The following AFDN variants were observed in gnomAD, a reference collection of about 807,000 sequenced individuals.
AFDN encodes the protein afadin, adherens junction formation factor.
A neutral mutation model predicts 216.6 loss-of-function variants in AFDN; 68 were observed. The observed-to-expected ratio is 0.31, with a 90% CI of 0.26 to 0.38. The LOEUF (loss-of-function observed/expected upper bound fraction) is 0.38, where lower values mean the gene tolerates loss of function less well. AFDN is among the 10% of genes least tolerant of loss of function. The pLI, the probability that AFDN is intolerant of heterozygous loss-of-function variation, is 1.00. For missense variants in AFDN, 2,136 were observed against 2,342.0 expected, an observed-to-expected ratio of 0.91 and a Z score of 1.82; for synonymous variants, 868 against 853.7, an observed-to-expected ratio of 1.02 and a Z score of -0.29.
intron 9 of AFDN, among the ~76,000 whole-genome samples, chr6:167,895,273 G>A (rs1318812255): frequency 3.3e-5 from 5 of 151,954 alleles, no homozygotes; most frequent in Non-Finnish European, 5.9e-5. Flanking sequence ...TTAACTAGGG[G>A]GGTTCATTAG....
In AFDN at chr6:167,837,992, A is replaced by G. The variant is rs575877491; in HGVS notation, c.105+10755A>G. On this transcript the variant is annotated intron_variant, in intron 1 of 33. Coordinates refer to ENST00000683244, the MANE Select transcript of AFDN (RefSeq NM_001386888.1). ...GTGCATATATATTTATTTCATACATAAATACATGATGTATTGATTTTCATC... is the reference window on the plus strand; with the variant it reads ...GTGCATATATATTTATTTCATACATGAATACATGATGTATTGATTTTCATC... Among the ~76,000 whole-genome samples the G allele has an allele frequency of 2.0e-5, 3 of 152,358 alleles. No individual in the cohort carries two copies. In the East Asian group the frequency reaches 5.8e-4, roughly 29 times the overall value.
At position 167,864,757 on chromosome 6, in the gene AFDN, A is replaced by G; in HGVS notation, c.301+11A>G. ...TGCATGTCAGCGGAGGTCAGTGTAT[A>G]CAGGAAGGGTTTGCTAGAGGCATGA... On this transcript the variant is annotated intron_variant, in intron 2 of 33. Transcript: ENST00000683244. 1 of 1,613,712 alleles carries G rather than the reference A, an allele frequency of 6.2e-7. No homozygotes were observed. The highest frequency in any genetic ancestry group is 8.5e-7 in the Non-Finnish European group (1 of 1,179,686).
intron 1 of AFDN, among the ~76,000 whole-genome samples, chr6:167,835,358 C>T (rs970493668): frequency 3.3e-5 from 5 of 152,204 alleles, no homozygotes; most frequent in African/African-American, 1.2e-4. Flanking sequence ...CCTAAATAAG[C>T]ATAGTTGTTC....
chr6:167,858,813 C>G (rs1783194779), intron 1 of AFDN, among the ~76,000 whole-genome samples: 1 of 152,122 alleles, frequency 6.6e-6, no homozygotes, highest in Non-Finnish European at 1.5e-5. Context: ...TAAGTCCATA[C>G]TTTACTGTGC....
chr6:167,914,511 T>A (rs180801894), intron 17 of AFDN, 133 bp from the exon 18 acceptor site: 1 of 901,402 alleles, frequency 1.1e-6, no homozygotes, highest in Non-Finnish European at 1.7e-6. Context: ...CAGTGAGCTA[T>A]GTTTCAAGAT....
At chr6:167,905,843 C>T (rs1285014189) in intron 12 of AFDN, among the ~76,000 whole-genome samples, 1 of 152,166 alleles carries the variant, frequency 6.6e-6, no homozygotes, top group African/African-American at 2.4e-5. Context: ...TGGTGGCTCA[C>T]GCCTATAATC....
intron 31 of AFDN, chr6:167,963,469 A>G (rs3734882): frequency 0.083 from 86,976 of 1,052,908 alleles, 4,240 homozygotes; most frequent in South Asian, 0.22. Flanking sequence ...GAACTATATT[A>G]ATAGAACAGT....
At chr6:167,966,141 T>G in intron 32 of AFDN, 96 bp downstream of exon 32, 1 of 1,535,048 alleles carries the variant, frequency 6.5e-7, no homozygotes, top group Non-Finnish European at 8.7e-7. Context: ...ACGCCCGGCC[T>G]CCGATGGCGT....
At chr6:167,832,915 T>C (rs1234035887) in intron 1 of AFDN, among the ~76,000 whole-genome samples, 1 of 152,226 alleles carries the variant, frequency 6.6e-6, no homozygotes, top group Admixed American at 6.5e-5. Flanking sequence ...CCTTTGTAGT[T>C]AGAGTGGCTA....
chr6:167,965,345 T>C (rs1010309319), intron 31 of AFDN, among the ~76,000 whole-genome samples: 23 of 152,302 alleles, frequency 1.5e-4, no homozygotes, highest in Admixed American at 3.3e-4. Flanking sequence ...TATTTTTAGT[T>C]TTGCATTATC....
At chr6:167,896,225 CAAA>C (rs35338275) in intron 9 of AFDN, among the ~76,000 whole-genome samples, 2 of 136,566 alleles carry the variant, frequency 1.5e-5, no homozygotes, top group Non-Finnish European at 3.2e-5. Context: ...TATAAAATGA[CAAA>C]AAAAAAAAAG....
intron 3 of AFDN, among the ~76,000 whole-genome samples, chr6:167,871,681 A>C (rs1784814318): frequency 6.6e-6 from 1 of 152,258 alleles, no homozygotes; most frequent in African/African-American, 2.4e-5. Context: ...CTGGAAACGA[A>C]GTTAGAGATT....
At position 167,917,013 on chromosome 6, in the gene AFDN, A is replaced by C. The variant is rs1791164219; in HGVS notation, c.2566-76A>C. On this transcript the variant is annotated intron_variant, in intron 19 of 33. Coordinates refer to ENST00000683244, the MANE Select transcript of AFDN (RefSeq NM_001386888.1). ...TAAATTAGCAAGTTATATTTTTATA[A>C]ATATTACATAAAGGATAATATTTTT... is the stretch of plus-strand genomic sequence containing the variant. 3.1e-6 allele frequency: 4 copies of C among 1,299,090 alleles called. No individual in the cohort carries two copies. The East Asian group carries it at 1.0e-4, about 34-fold the overall frequency. The allele number at this position is 1,299,090 out of a possible 1,614,324, so 80.5% of individuals were successfully genotyped here. A position where few individuals can be genotyped will look rare whatever the true frequency, so the allele number is the denominator to read the frequency against.
At chr6:167,943,899 T>G in intron 25 of AFDN, 42 bp from the exon 26 acceptor site, 1 of 1,534,460 alleles carries the variant, frequency 6.5e-7, no homozygotes, top group Non-Finnish European at 9.0e-7. Context: ...GAGCAGGCAC[T>G]GCGTTTTAGT....
intron 2 of AFDN, 105 bp downstream of exon 2, chr6:167,864,851 C>A: frequency 8.6e-7 from 1 of 1,162,920 alleles, no homozygotes; most frequent in Non-Finnish European, 1.3e-6. Flanking sequence ...TCGTCTCCAT[C>A]TTTCTTCTCT....
At chr6:167,878,162 G>A (rs1294111104) in intron 5 of AFDN, among the ~76,000 whole-genome samples, 1 of 151,950 alleles carries the variant, frequency 6.6e-6, no homozygotes, top group African/African-American at 2.4e-5. Flanking sequence ...AGTCTTGTGA[G>A]TAGCGGGGCA....
chr6:167,881,064 C>T (rs1786041892), intron 6 of AFDN, among the ~76,000 whole-genome samples: 2 of 152,156 alleles, frequency 1.3e-5, no homozygotes, highest in Non-Finnish European at 2.9e-5. Flanking sequence ...GACTTCTCAT[C>T]CTAATAATAT....
At chr6:167,893,218 T>C (rs1452806031) in intron 8 of AFDN, among the ~76,000 whole-genome samples, 1 of 152,216 alleles carries the variant, frequency 6.6e-6, no homozygotes, top group Non-Finnish European at 1.5e-5. Flanking sequence ...ACCAAAGCCA[T>C]GTTCTTTCAC....
chr6:167,857,518 C>T (rs1783039291), intron 1 of AFDN, among the ~76,000 whole-genome samples: 1 of 151,954 alleles, frequency 6.6e-6, no homozygotes. Flanking sequence ...AGATAGTTCC[C>T]TGTCACTAGA....
Sources: allele counts gnomAD v4.1 joint callset (sites outside exome capture counted in the v4.1 genomes callset), GRCh38; gene constraint gnomAD v4.1.1; transcripts MANE v1.5; gene names NCBI Gene and HGNC (gene_info 2026-07-23, HGNC 2026-07-21).